DDX4: variants seen among roughly 807,000 people sequenced by gnomAD.
DDX4 encodes the protein DEAD-box helicase 4.
In DDX4, 25 loss-of-function variants were observed where a neutral mutation model predicts 100.0. The observed-to-expected ratio is 0.25, with a 90% CI of 0.18 to 0.35. DDX4 has a LOEUF of 0.35. Ranked by LOEUF, DDX4 falls within the 10% of genes least tolerant of loss-of-function variation. DDX4 has a pLI of 1.00. For missense variants in DDX4, 635 were observed against 882.4 expected (o/e 0.72, Z 3.55); for synonymous variants, 259 against 275.7 (o/e 0.94, Z 0.60).
intron 18 of DDX4, among the ~76,000 whole-genome samples, chr5:55,810,156 G>GT (rs1744038916): frequency 6.6e-6 from 1 of 151,994 alleles, no homozygotes; most frequent in Non-Finnish European, 1.5e-5. Flanking sequence ...CCAGGCTAGA[G>GT]TGTGACTGCG....
chr5:55,785,269 G>A (rs148118129), intron 10 of DDX4, 28 bp from the exon 11 acceptor site: 15,560 of 1,513,500 alleles, frequency 0.01, 95 homozygotes, highest in Non-Finnish European at 0.012. Flanking sequence ...CATCTTGACC[G>A]ATTGTCACTT....
chr5:55,752,621 G>T (rs1211267017), intron 3 of DDX4, among the ~76,000 whole-genome samples: 1 of 147,724 alleles, frequency 6.8e-6, no homozygotes, highest in Non-Finnish European at 1.5e-5. Flanking sequence ...CTTTGCTGTC[G>T]TGAGTAATGC....
In DDX4 at chr5:55,816,642, C is replaced by T; in HGVS notation, c.*102C>T. 1.3e-6 allele frequency: 2 copies of T among 1,515,570 alleles called. No homozygotes were observed. Among genetic ancestry groups the T allele is most frequent in the East Asian group, 4.9e-5 (2 of 41,002 alleles). The allele number at this position is 1,515,570 out of a possible 1,614,324, so 93.9% of individuals were successfully genotyped here. A position where few individuals can be genotyped will look rare whatever the true frequency, so the allele number is the denominator to read the frequency against. On this transcript the variant is annotated 3_prime_UTR_variant, in exon 22 of 22. Transcript: ENST00000505374. ...TATAAAACTTAACATTCTCATAGCT[C>T]CTGTCCTTGTATTCTCACTCCTACA...
At position 55,745,391 on chromosome 5, in the gene DDX4, G is replaced by T. The variant is rs147650776; in HGVS notation, c.70-773G>T. Reference sequence around the variant, plus strand: ...GTGTTGATTTATTCATGTATTACTTGTCAGATTTTATAATGATATTTTATT... The same window carrying T: ...GTGTTGATTTATTCATGTATTACTTTTCAGATTTTATAATGATATTTTATT... On this transcript the variant is annotated intron_variant, in intron 2 of 21. Coordinates refer to ENST00000505374, the MANE Select transcript of DDX4 (RefSeq NM_024415.3). Among the ~76,000 whole-genome samples, 665 of 152,136 alleles carry T rather than the reference G, an allele frequency of 4.4e-3. 2 individuals carry two copies. Among genetic ancestry groups the T allele is most frequent in the Middle Eastern group, 0.017 (5 of 294 alleles).
intron 15 of DDX4, among the ~76,000 whole-genome samples, chr5:55,788,524 A>G (rs1742370211): frequency 6.6e-6 from 1 of 152,184 alleles, no homozygotes; most frequent in East Asian, 1.9e-4. Flanking sequence ...TAGTGAACAT[A>G]CTGGTATTAT....
intron 3 of DDX4, among the ~76,000 whole-genome samples, chr5:55,752,525 A>G (rs1321610653): frequency 2.1e-5 from 3 of 145,334 alleles, no homozygotes; most frequent in Non-Finnish European, 4.5e-5. Context: ...ATCATTTTTT[A>G]TGGCTGCATA....
chr5:55,796,819 C>CTTCCTTTTTTTTTTTTTTTTTT (rs1742975921), intron 17 of DDX4, among the ~76,000 whole-genome samples: 1 of 63,454 alleles, frequency 1.6e-5, no homozygotes, highest in Non-Finnish European at 3.6e-5. Flanking sequence ...TTTTTTCTTT[C>CTTCCTTTTTTTTTTTTTTTTTT]TTTCTTTTTT....
intron 6 of DDX4, among the ~76,000 whole-genome samples, chr5:55,766,438 G>GTTTT (rs1054625390): frequency 8.5e-6 from 1 of 117,166 alleles, no homozygotes; most frequent in African/African-American, 3.1e-5. Context: ...TAGTAGTTTT[G>GTTTT]TTTTTTTTTT....
At chr5:55,797,796 C>G (rs1743055881) in intron 17 of DDX4, among the ~76,000 whole-genome samples, 1 of 152,168 alleles carries the variant, frequency 6.6e-6, no homozygotes, top group Non-Finnish European at 1.5e-5. Flanking sequence ...GATATTGATA[C>G]CCTTAACCTT....
intron 6 of DDX4, among the ~76,000 whole-genome samples, chr5:55,764,937 T>TA (rs1245673714): frequency 2.0e-5 from 3 of 152,224 alleles, no homozygotes; most frequent in Non-Finnish European, 4.4e-5. Flanking sequence ...CTGATCTTAT[T>TA]AAACACTTTG....
intron 7 of DDX4, among the ~76,000 whole-genome samples, chr5:55,779,029 T>C (rs1168416976): frequency 6.6e-6 from 1 of 152,154 alleles, no homozygotes; most frequent in East Asian, 1.9e-4. Flanking sequence ...ATTCAGGATA[T>C]TGGCTTGTTG....
At chr5:55,752,969 G>A (rs1728613540) in intron 3 of DDX4, among the ~76,000 whole-genome samples, 2 of 151,664 alleles carry the variant, frequency 1.3e-5, no homozygotes, top group Admixed American at 6.6e-5. Context: ...GTTTTTGGCT[G>A]CATAAATGTC....
rs190216005 is a variant in DDX4, at chr5:55,789,311, G to A, written c.1173-1265G>A. Among the ~76,000 whole-genome samples, 168 of 152,286 alleles carry A rather than the reference G, an allele frequency of 1.1e-3. 1 individual carries two copies. The highest frequency in any genetic ancestry group is 3.5e-3 in the African/African-American group (147 of 41,570). On this transcript the variant is annotated intron_variant, in intron 15 of 21. Coordinates refer to ENST00000505374, the MANE Select transcript of DDX4 (RefSeq NM_024415.3). ...CTGTCTCACCATTTTGGGGGCTTAG[G>A]AATTGGGGAACAGCTTGGCTTAGCT...
chr5:55,764,854 C>T lies in DDX4; in HGVS notation c.334+790C>T, dbSNP rs569629788. ...CTAAGTGAGAATGCGTGTAAAAGCA[C>T]ACAGCTGAATACCAGACACATTCAT... On this transcript the variant is annotated intron_variant, in intron 6 of 21. Coordinates refer to ENST00000505374, the MANE Select transcript of DDX4 (RefSeq NM_024415.3). Among the ~76,000 whole-genome samples, 6 of 152,298 alleles carry T rather than the reference C, an allele frequency of 3.9e-5. No homozygotes were observed. In the East Asian group the frequency reaches 1.2e-3, roughly 29 times the overall value.
chr5:55,761,026 G>A (rs531890665), intron 4 of DDX4, among the ~76,000 whole-genome samples: 1 of 152,124 alleles, frequency 6.6e-6, no homozygotes, highest in African/African-American at 2.4e-5. Flanking sequence ...GAGACTTGCA[G>A]ATATTTTTGC....
chr5:55,789,090 T>C (rs1164623428), intron 15 of DDX4, among the ~76,000 whole-genome samples: 1 of 152,198 alleles, frequency 6.6e-6, no homozygotes, highest in Non-Finnish European at 1.5e-5. Flanking sequence ...TTTTCTGTTT[T>C]AAGTATTTTC....
At chr5:55,802,759 C>T (rs967803560) in intron 18 of DDX4, among the ~76,000 whole-genome samples, 3 of 152,122 alleles carry the variant, frequency 2.0e-5, no homozygotes, top group African/African-American at 7.2e-5. Context: ...CTGAAGATGA[C>T]AGATTTAATG....
intron 7 of DDX4, among the ~76,000 whole-genome samples, chr5:55,770,943 A>G (rs182721473): frequency 1.1e-3 from 160 of 152,296 alleles, no homozygotes; most frequent in Non-Finnish European, 1.2e-3. Context: ...TTTAATTCAT[A>G]TTTAAATGAG....
intron 7 of DDX4, among the ~76,000 whole-genome samples, chr5:55,771,299 C>T (rs1321735565): frequency 3.3e-5 from 5 of 152,104 alleles, no homozygotes; most frequent in Admixed American, 6.5e-5. Context: ...ATTTTTTACT[C>T]ACTAATGACT....
Sources: allele counts gnomAD v4.1 joint callset (sites outside exome capture counted in the v4.1 genomes callset), GRCh38; gene constraint gnomAD v4.1.1; transcripts MANE v1.5; gene names NCBI Gene and HGNC (gene_info 2026-07-23, HGNC 2026-07-21).